The following COMMD10 variants were observed in gnomAD, a reference collection of about 807,000 sequenced individuals.
COMMD10 encodes COMM domain containing 10.
Under a neutral mutation model 28.9 loss-of-function variants are expected in COMMD10, and 33 were observed. The ratio of observed to expected loss-of-function variants is 1.14; its 90% CI spans 0.87 to 1.53. The LOEUF is 1.53. COMMD10 is among the 40% of genes most tolerant of loss of function. The probability of loss-of-function intolerance (pLI) is 0.00; values close to 1 mark genes in which losing one functional copy is unlikely to be tolerated. For synonymous variants in COMMD10, 110 were observed against 81.7 expected, an observed-to-expected ratio of 1.35 and a Z score of -1.87; for missense variants, 310 against 233.4, an observed-to-expected ratio of 1.33 and a Z score of -2.14.
At chr5:116,106,098 AT>A (rs754139927) in intron 4 of COMMD10, among the ~76,000 whole-genome samples, 26 of 132,662 alleles carry the variant, frequency 2.0e-4, no homozygotes, top group East Asian at 4.6e-4. Context: ...GTTTTGTTTT[AT>A]TTTTTTTTTT....
rs931997163 is a variant in COMMD10, at chr5:116,292,909, G to C, written c.*420G>C. On this transcript the variant is annotated 3_prime_UTR_variant, in exon 7 of 7. Coordinates refer to ENST00000274458, the MANE Select transcript of COMMD10 (RefSeq NM_016144.4). The stretch of plus-strand genomic sequence containing the variant: ...TTGGTAATTACATGAATAAAATTAA[G>C]AAAATAGCCATATACAATCAAATAC... 5.1e-6 allele frequency: 2 copies of C among 394,940 alleles called. No homozygotes were observed. Among genetic ancestry groups the C allele is most frequent in the South Asian group, 2.7e-4 (2 of 7,408 alleles). 24.5% of individuals were successfully genotyped at this position (394,940 alleles called of 1,614,324 possible).
intron 5 of COMMD10, among the ~76,000 whole-genome samples, chr5:116,249,197 T>G (rs1210247026): frequency 6.6e-6 from 1 of 152,094 alleles, no homozygotes; most frequent in South Asian, 2.1e-4. Context: ...AACAAATAAT[T>G]GCAAAGAAGT....
chr5:116,247,440 C>A (rs1235184714), intron 5 of COMMD10, among the ~76,000 whole-genome samples: 1 of 152,150 alleles, frequency 6.6e-6, no homozygotes, highest in African/African-American at 2.4e-5. Flanking sequence ...GCAGAAATAC[C>A]ATTCAAGCCA....
intron 5 of COMMD10, among the ~76,000 whole-genome samples, chr5:116,148,816 A>G (rs760618029): frequency 5.9e-5 from 9 of 151,578 alleles, no homozygotes; most frequent in Non-Finnish European, 1.0e-4. Flanking sequence ...AAAATTACAT[A>G]TATTATGGGA....
At chr5:116,232,177 A>G (rs1749544943) in intron 5 of COMMD10, among the ~76,000 whole-genome samples, 1 of 152,110 alleles carries the variant, frequency 6.6e-6, no homozygotes, top group Non-Finnish European at 1.5e-5. Context: ...TCCAAGTTAC[A>G]TTTGGGTTTA....
At chr5:116,163,063 A>T (rs1752970238) in intron 5 of COMMD10, among the ~76,000 whole-genome samples, 1 of 152,088 alleles carries the variant, frequency 6.6e-6, no homozygotes, top group African/African-American at 2.4e-5. Context: ...AGGTTCAGAT[A>T]AGAAGAGTCT....
intron 4 of COMMD10, among the ~76,000 whole-genome samples, chr5:116,126,043 C>A (rs1751621018): frequency 6.6e-6 from 1 of 152,120 alleles, no homozygotes; most frequent in African/African-American, 2.4e-5. Context: ...TGTCTCAGCC[C>A]AAAATCTCCT....
At position 116,168,158 on chromosome 5, in the gene COMMD10, CAA is replaced by C. The variant is rs56193014; in HGVS notation, c.510+33995_510+33996del. Among the ~76,000 whole-genome samples, 642 of 102,366 alleles carry C rather than the reference CAA, an allele frequency of 6.3e-3. 3 individuals carry two copies. The highest frequency in any genetic ancestry group is 0.023 in the Middle Eastern group (5 of 218). The allele number at this position is 102,366 out of a possible 152,430, so 67.2% of individuals were successfully genotyped here. ...GAATATTTACAAAGAAAATGGAAAG[CAA>C]AAAAAAAAAAAAAAGGGATTGCAGT... On this transcript the variant is annotated intron_variant, in intron 5 of 6. Coordinates refer to ENST00000274458, the MANE Select transcript of COMMD10 (RefSeq NM_016144.4).
intron 5 of COMMD10, among the ~76,000 whole-genome samples, chr5:116,192,477 A>C (rs1748396062): frequency 6.6e-6 from 1 of 152,150 alleles, no homozygotes; most frequent in Non-Finnish European, 1.5e-5. Flanking sequence ...AGAAAAAACA[A>C]TAAAAAATTC....
At chr5:116,222,586 G>A (rs914327364) in intron 5 of COMMD10, among the ~76,000 whole-genome samples, 3 of 152,030 alleles carry the variant, frequency 2.0e-5, no homozygotes, top group Non-Finnish European at 4.4e-5. Flanking sequence ...ACATGAGGCT[G>A]GACAGAAAGA....
At chr5:116,258,235 A>C (rs560535741) in intron 5 of COMMD10, among the ~76,000 whole-genome samples, 2 of 151,760 alleles carry the variant, frequency 1.3e-5, no homozygotes, top group Admixed American at 1.3e-4. Context: ...TTTTCTAACA[A>C]TGTCTTAGAA....
intron 5 of COMMD10, among the ~76,000 whole-genome samples, chr5:116,213,363 C>T (rs1749016530): frequency 6.6e-6 from 1 of 152,060 alleles, no homozygotes; most frequent in Non-Finnish European, 1.5e-5. Context: ...GTGTGAGTCA[C>T]ATGTGGGTCT....
At chr5:116,115,821 C>T (rs1486670634) in intron 4 of COMMD10, among the ~76,000 whole-genome samples, 1 of 152,070 alleles carries the variant, frequency 6.6e-6, no homozygotes, top group African/African-American at 2.4e-5. Flanking sequence ...TATATATTTT[C>T]TAAAATATTT....
At chr5:116,125,860 A>G (rs949130094) in intron 4 of COMMD10, among the ~76,000 whole-genome samples, 3 of 152,124 alleles carry the variant, frequency 2.0e-5, no homozygotes, top group African/African-American at 7.2e-5. Context: ...CTCTTTGAAA[A>G]CTGGCACAAG....
At chr5:116,250,998 A>G (rs1253532934) in intron 5 of COMMD10, among the ~76,000 whole-genome samples, 1 of 151,942 alleles carries the variant, frequency 6.6e-6, no homozygotes, top group African/African-American at 2.4e-5. Context: ...TTTTCCTACC[A>G]GTTCCTGCCT....
At chr5:116,134,586 G>T (rs1189591792) in intron 5 of COMMD10, among the ~76,000 whole-genome samples, 1 of 152,080 alleles carries the variant, frequency 6.6e-6, no homozygotes, top group Non-Finnish European at 1.5e-5. Flanking sequence ...AGTATAGTAT[G>T]CCTGCATGTG....
intron 5 of COMMD10, among the ~76,000 whole-genome samples, chr5:116,236,899 A>G (rs1481194416): frequency 3.3e-5 from 5 of 152,160 alleles, no homozygotes; most frequent in African/African-American, 1.2e-4. Flanking sequence ...AGTAGGGGTT[A>G]TATGGGAAAT....
intron 4 of COMMD10, among the ~76,000 whole-genome samples, chr5:116,132,373 G>T (rs1427072673): frequency 6.6e-6 from 1 of 152,082 alleles, no homozygotes; most frequent in Non-Finnish European, 1.5e-5. Context: ...GCTTAGCCAC[G>T]GTCACATAGC....
At chr5:116,150,125 A>T (rs1290139046) in intron 5 of COMMD10, among the ~76,000 whole-genome samples, 1 of 152,130 alleles carries the variant, frequency 6.6e-6, no homozygotes, top group Non-Finnish European at 1.5e-5. Context: ...TACTTTCCCC[A>T]TTTCTTGTTT....
Sources: allele counts gnomAD v4.1 joint callset (sites outside exome capture counted in the v4.1 genomes callset), GRCh38; gene constraint gnomAD v4.1.1; transcripts MANE v1.5; gene names NCBI Gene and HGNC (gene_info 2026-07-23, HGNC 2026-07-21).